Variants in DPP6 observed in about 807,000 individuals in gnomAD.
The protein encoded by DPP6 is dipeptidyl peptidase like 6, also known as A-type potassium channel modulatory protein DPP6.
DPP6 carries 69 observed loss-of-function variants against 122.6 expected under a neutral mutation model. The ratio of observed to expected loss-of-function variants is 0.56; its 90% CI spans 0.46 to 0.69. DPP6 has a LOEUF of 0.69. DPP6 is among the 30% of genes least tolerant of loss of function. The probability of loss-of-function intolerance (pLI) is 0.00; values close to 1 mark genes in which losing one functional copy is unlikely to be tolerated. For missense variants in DPP6, 928 were observed against 1,116.9 expected (o/e 0.83, Z 2.41); for synonymous variants, 418 against 433.1 (o/e 0.97, Z 0.43).
At chr7:153,910,237 T>C (rs1004823016) in intron 1 of DPP6, among the ~76,000 whole-genome samples, 2 of 148,758 alleles carry the variant, frequency 1.3e-5, no homozygotes, top group African/African-American at 5.0e-5. Context: ...TTTCTTTCTT[T>C]TTTTTTTTTT....
the DPP6 span, among the ~76,000 whole-genome samples, chr7:153,803,842 T>TAC: frequency 0.022 from 3,323 of 149,230 alleles, 102 homozygotes; most frequent in African/African-American, 0.069. Context: ...TATGTGTACA[T>TAC]ACACACACAC....
chr7:154,756,431 G>A (rs930802240), intron 8 of DPP6, among the ~76,000 whole-genome samples: 10 of 152,062 alleles, frequency 6.6e-5, no homozygotes, highest in Non-Finnish European at 1.2e-4. Flanking sequence ...AATAGTAGAC[G>A]ATTTTACGGA....
chr7:154,079,469 G>A (rs1344743159), intron 1 of DPP6, among the ~76,000 whole-genome samples: 5 of 152,170 alleles, frequency 3.3e-5, no homozygotes, highest in South Asian at 2.1e-4. Flanking sequence ...GACTCACCCC[G>A]AAAACCCAAG....
the DPP6 span, among the ~76,000 whole-genome samples, chr7:153,863,140 C>T: frequency 6.6e-6 from 1 of 152,036 alleles, no homozygotes; most frequent in Non-Finnish European, 1.5e-5. Context: ...ATAACTCTAC[C>T]CATCATGTAT....
chr7:154,727,918 A>G, intron 8 of DPP6, 31 bp downstream of exon 8: 1 of 1,561,378 alleles, frequency 6.4e-7, no homozygotes, highest in South Asian at 1.2e-5. Flanking sequence ...AAAAAGGAAG[A>G]TTTGTGGTTG....
chr7:154,172,619 T>C (rs1242745796), intron 1 of DPP6, among the ~76,000 whole-genome samples: 1 of 144,612 alleles, frequency 6.9e-6, no homozygotes, highest in South Asian at 2.2e-4. Context: ...TTTTTTTTTT[T>C]TGAGACAGGG....
chr7:154,768,013 G>A (rs1490413261), intron 8 of DPP6, among the ~76,000 whole-genome samples: 1 of 152,208 alleles, frequency 6.6e-6, no homozygotes, highest in African/African-American at 2.4e-5. Context: ...ATCTGGGCAG[G>A]GAGGGGCAGG....
the DPP6 span, among the ~76,000 whole-genome samples, chr7:153,798,840 G>A: frequency 5.9e-5 from 9 of 152,148 alleles, no homozygotes; most frequent in Admixed American, 2.0e-4. Context: ...AGATCTTCAG[G>A]TATTAGATTC....
intron 1 of DPP6, among the ~76,000 whole-genome samples, chr7:153,951,025 A>G (rs928179039): frequency 6.6e-6 from 1 of 152,176 alleles, no homozygotes; most frequent in Non-Finnish European, 1.5e-5. Flanking sequence ...AGGGAGAGAA[A>G]CCATGAGACT....
At chr7:154,806,287 G>A (rs1008294756) in intron 15 of DPP6, among the ~76,000 whole-genome samples, 1 of 152,182 alleles carries the variant, frequency 6.6e-6, no homozygotes, top group Non-Finnish European at 1.5e-5. Context: ...ACCCTCCTGC[G>A]GCAAAATGTT....
Position 153,911,780 on chromosome 7 carries a change from C to T in DPP6, c.51+24046C>T, listed in dbSNP as rs144905743. ...ACATATAGTGTTATATTACTATCAC[C>T]AATTCAGTTACAATGCTGTTAGGTT... On this transcript the variant is annotated intron_variant, in intron 1 of 25. Coordinates refer to the DPP6 transcript ENST00000404039. Among the ~76,000 whole-genome samples the T allele has an allele frequency of 1.2e-3, 181 of 152,294 alleles. 1 individual carries two copies. The highest frequency in any genetic ancestry group is 3.6e-3 in the African/African-American group (151 of 41,556).
chr7:154,157,558 C>G (rs1449848420), intron 1 of DPP6, among the ~76,000 whole-genome samples: 1 of 152,196 alleles, frequency 6.6e-6, no homozygotes, highest in Non-Finnish European at 1.5e-5. Context: ...GCCTTGCTCC[C>G]CAGTTGCTAA....
intron 1 of DPP6, among the ~76,000 whole-genome samples, chr7:154,036,511 T>C (rs1355733582): frequency 6.6e-6 from 1 of 150,868 alleles, no homozygotes; most frequent in South Asian, 2.1e-4. Flanking sequence ...ATTTTTGTTG[T>C]ACCATTTGTG....
At chr7:153,930,261 C>A (rs1290402939) in intron 1 of DPP6, among the ~76,000 whole-genome samples, 2 of 152,172 alleles carry the variant, frequency 1.3e-5, no homozygotes, top group African/African-American at 4.8e-5. Context: ...ATTATCAGCT[C>A]AATCCTTTAT....
chr7:154,317,421 GACTTTATTAAATTC>G (rs1206622064), intron 1 of DPP6, among the ~76,000 whole-genome samples: 5 of 152,160 alleles, frequency 3.3e-5, no homozygotes, highest in Non-Finnish European at 2.9e-5. Flanking sequence ...TGCAGTTTTT[GACTTTATTAAATTC>G]ACTTAGACAT....
At chr7:154,281,788 A>T (rs867631566) in intron 1 of DPP6, among the ~76,000 whole-genome samples, 1 of 152,326 alleles carries the variant, frequency 6.6e-6, no homozygotes, top group African/African-American at 2.4e-5. Flanking sequence ...TTATACCAGT[A>T]GCCTCTTCTT....
intron 1 of DPP6, among the ~76,000 whole-genome samples, chr7:154,343,195 T>C (rs1810079690): frequency 6.6e-6 from 1 of 152,214 alleles, no homozygotes; most frequent in African/African-American, 2.4e-5. Flanking sequence ...CCTCATTTAC[T>C]CACTGCAACG....
At chr7:153,983,383 G>C (rs1198041324) in intron 1 of DPP6, among the ~76,000 whole-genome samples, 4 of 152,222 alleles carry the variant, frequency 2.6e-5, no homozygotes, top group Non-Finnish European at 5.9e-5. Flanking sequence ...CAGTAATGGC[G>C]ATCACCCCTC....
intron 1 of DPP6, among the ~76,000 whole-genome samples, chr7:154,201,898 T>C (rs1363911486): frequency 6.6e-6 from 1 of 152,230 alleles, no homozygotes; most frequent in African/African-American, 2.4e-5. Flanking sequence ...AGATCTGTTT[T>C]TTAATTTTTT....
Sources: allele counts gnomAD v4.1 joint callset (sites outside exome capture counted in the v4.1 genomes callset), GRCh38; gene constraint gnomAD v4.1.1; transcripts MANE v1.5; gene names NCBI Gene and HGNC (gene_info 2026-07-23, HGNC 2026-07-21).